The following TASP1 variants were observed in gnomAD, a reference collection of about 807,000 sequenced individuals.
TASP1 encodes the protein taspase 1, also known as threonine aspartase 1.
A neutral mutation model predicts 56.6 loss-of-function variants in TASP1; 16 were observed. The observed-to-expected ratio is 0.28, with a 90% confidence interval of 0.19 to 0.43. The LOEUF is 0.43. TASP1 is among the 20% of genes least tolerant of loss of function. TASP1 has a pLI of 1.00. For synonymous variants in TASP1, 179 were observed against 184.2 expected, an observed-to-expected ratio of 0.97 and a Z score of 0.23; for missense variants, 393 against 511.6, an observed-to-expected ratio of 0.77 and a Z score of 2.24.
the TASP1 span, among the ~76,000 whole-genome samples, chr20:13,282,011 C>T: frequency 2.0e-5 from 3 of 152,188 alleles, no homozygotes; most frequent in African/African-American, 7.2e-5. Flanking sequence ...GACTCCAGAC[C>T]TACTGAGTCA....
At chr20:13,395,378 G>C (rs557202598) in intron 13 of TASP1, among the ~76,000 whole-genome samples, 6 of 152,318 alleles carry the variant, frequency 3.9e-5, no homozygotes, top group African/African-American at 1.4e-4. Flanking sequence ...TGAAGAAACA[G>C]ATATCTGTTT....
chr20:13,108,815 G>T, the TASP1 span, among the ~76,000 whole-genome samples: 1 of 152,104 alleles, frequency 6.6e-6, no homozygotes, highest in Admixed American at 6.6e-5. Flanking sequence ...ATTTAGCTTT[G>T]CTAGATGTCA....
chr20:13,517,181 CAAG>C (rs1332514102), intron 10 of TASP1, among the ~76,000 whole-genome samples: 2 of 152,050 alleles, frequency 1.3e-5, no homozygotes, highest in Non-Finnish European at 2.9e-5. Context: ...CCTATATTGG[CAAG>C]AAGGTTTCCT....
the TASP1 span, among the ~76,000 whole-genome samples, chr20:13,203,795 A>C: frequency 6.6e-6 from 1 of 152,350 alleles, no homozygotes; most frequent in East Asian, 1.9e-4. Flanking sequence ...CAAAGAAGGT[A>C]ATTTGTACTG....
the TASP1 span, chr20:13,169,159 G>T: frequency 1.3e-5 from 2 of 152,180 alleles, no homozygotes; most frequent in Non-Finnish European, 2.9e-5. Context: ...CTGAGGTAGA[G>T]ATTTGTATTT....
chr20:13,614,688 T>C (rs1202543169), intron 4 of TASP1: 1 of 365,240 alleles, frequency 2.7e-6, no homozygotes, highest in African/African-American at 2.2e-5. Flanking sequence ...CATTTTTTAA[T>C]TGAAAGCCAC....
chr20:13,265,959 G>A, the TASP1 span, among the ~76,000 whole-genome samples: 1 of 152,134 alleles, frequency 6.6e-6, no homozygotes, highest in South Asian at 2.1e-4. Flanking sequence ...TCCATCCTCA[G>A]GCCTGCCAGC....
chr20:13,209,873 A>C, the TASP1 span, among the ~76,000 whole-genome samples: 1 of 152,220 alleles, frequency 6.6e-6, no homozygotes. Context: ...ATTGAAGTAC[A>C]GTTTACATAG....
At chr20:13,266,477 T>C in the TASP1 span, among the ~76,000 whole-genome samples, 1 of 152,152 alleles carries the variant, frequency 6.6e-6, no homozygotes, top group East Asian at 1.9e-4. Context: ...GTCACAGCTC[T>C]GAAATTATAG....
the TASP1 span, among the ~76,000 whole-genome samples, chr20:13,234,575 T>C: frequency 6.6e-6 from 1 of 152,214 alleles, no homozygotes; most frequent in Non-Finnish European, 1.5e-5. Flanking sequence ...CCACCAACAG[T>C]GTATAAGTGT....
intron 13 of TASP1, among the ~76,000 whole-genome samples, chr20:13,409,596 T>C (rs960774604): frequency 4.6e-5 from 7 of 152,140 alleles, no homozygotes; most frequent in Non-Finnish European, 1.0e-4. Context: ...CTATTATTTT[T>C]CATCCTTCCT....
At chr20:13,527,127 G>A (rs1482445809) in intron 10 of TASP1, among the ~76,000 whole-genome samples, 1 of 152,122 alleles carries the variant, frequency 6.6e-6, no homozygotes, top group African/African-American at 2.4e-5. Flanking sequence ...GGCAATGGGA[G>A]GACAGAGGAG....
chr20:13,337,040 C>T, the TASP1 span, among the ~76,000 whole-genome samples: 1 of 152,068 alleles, frequency 6.6e-6, no homozygotes, highest in Non-Finnish European at 1.5e-5. Context: ...TTTCCAGGTT[C>T]GATGTTTTTG....
intron 12 of TASP1, among the ~76,000 whole-genome samples, chr20:13,422,832 G>A (rs954858654): frequency 1.3e-5 from 2 of 152,268 alleles, no homozygotes; most frequent in South Asian, 4.1e-4. Flanking sequence ...CACATGAGGT[G>A]ACTCAAAATG....
chr20:13,122,284 T>C, the TASP1 span, among the ~76,000 whole-genome samples: 3 of 152,228 alleles, frequency 2.0e-5, no homozygotes, highest in East Asian at 3.8e-4. Flanking sequence ...CATGAAACAT[T>C]TGGAGACCAA....
the TASP1 span, among the ~76,000 whole-genome samples, chr20:13,322,829 A>G: frequency 6.6e-6 from 1 of 152,142 alleles, no homozygotes; most frequent in Non-Finnish European, 1.5e-5. Flanking sequence ...ACTTGAAAAC[A>G]GTCCTGGCAA....
chr20:13,105,444 A>G, the TASP1 span, among the ~76,000 whole-genome samples: 1 of 152,062 alleles, frequency 6.6e-6, no homozygotes, highest in Non-Finnish European at 1.5e-5. Context: ...CGCAAAATGT[A>G]TAAAACACAG....
At chr20:13,478,219 G>A (rs1421551795) in intron 11 of TASP1, among the ~76,000 whole-genome samples, 1 of 151,902 alleles carries the variant, frequency 6.6e-6, no homozygotes, top group Non-Finnish European at 1.5e-5. Context: ...CAACCTAATA[G>A]GTGTCCACTC....
chr20:13,500,038 C>A (rs776381118), intron 10 of TASP1, among the ~76,000 whole-genome samples: 1 of 151,366 alleles, frequency 6.6e-6, no homozygotes, highest in Non-Finnish European at 1.5e-5. Flanking sequence ...AGAGTGTTCA[C>A]AATTTGAGTG....
Sources: gnomAD v4.1 joint callset for allele counts (sites outside exome capture counted in the v4.1 genomes callset) on GRCh38, gnomAD v4.1.1 for gene constraint, MANE v1.5 for transcripts, NCBI Gene and HGNC (gene_info 2026-07-23, HGNC 2026-07-21) for gene names.